Variants in PLCXD2 observed in about 807,000 individuals in gnomAD.
PLCXD2 encodes the protein PI-PLC X domain-containing protein 2.
In PLCXD2, 21 loss-of-function variants were observed where a neutral mutation model predicts 28.6. The observed-to-expected ratio is 0.73, with a 90% CI of 0.52 to 1.06. The LOEUF is 1.06. PLCXD2 is among the 50% of genes least tolerant of loss of function. PLCXD2 has a pLI of 0.00. For synonymous variants in PLCXD2, 140 were observed against 150.1 expected, an observed-to-expected ratio of 0.93 and a Z score of 0.49; for missense variants, 369 against 376.7, an observed-to-expected ratio of 0.98 and a Z score of 0.17.
At position 111,699,151 on chromosome 3, in the gene PLCXD2, G is replaced by C. The variant is rs115653263; in HGVS notation, c.164-8775G>C. On this transcript the variant is annotated intron_variant, in intron 1 of 4. Coordinates refer to ENST00000477665, the MANE Select transcript of PLCXD2 (RefSeq NM_001185106.1). ...TGAAGTCAGGAGTTCTTTGACTTAG[G>C]GTCACCATCCTCACCTACCCAGATG... Among the ~76,000 whole-genome samples, 265 of 152,126 alleles carry C rather than the reference G, an allele frequency of 1.7e-3. 1 individual carries two copies. Among genetic ancestry groups the C allele is most frequent in the African/African-American group, 6.1e-3 (254 of 41,506 alleles).
At chr3:111,682,029 A>G (rs564365158) in intron 1 of PLCXD2, among the ~76,000 whole-genome samples, 2 of 152,336 alleles carry the variant, frequency 1.3e-5, no homozygotes, top group East Asian at 3.9e-4. Flanking sequence ...TAGACATTGT[A>G]ATAGGTGGGT....
At position 111,692,284 on chromosome 3, in the gene PLCXD2, C is replaced by A. The variant is rs569103413; in HGVS notation, c.164-15642C>A. ...GGTCTCGATCTCCTGACCTTGTGAT[C>A]CGCCCGCCTCGGCCTCCCAAAGTGC... is the stretch of plus-strand genomic sequence containing the variant. On this transcript the variant is annotated intron_variant, in intron 1 of 4. Transcript: ENST00000477665. Among the ~76,000 whole-genome samples the A allele has an allele frequency of 2.4e-4, 36 of 152,332 alleles. No homozygotes were observed. In the South Asian group the frequency reaches 3.3e-3, roughly 14 times the overall value.
At chr3:111,687,805 C>T (rs941030823) in intron 1 of PLCXD2, among the ~76,000 whole-genome samples, 4 of 151,960 alleles carry the variant, frequency 2.6e-5, no homozygotes, top group African/African-American at 9.7e-5. Context: ...CCATCTCAGC[C>T]TCCTGAGTAG....
chr3:111,691,397 C>T (rs1940874550), intron 1 of PLCXD2: 1 of 152,188 alleles, frequency 6.6e-6, no homozygotes, highest in African/African-American at 2.4e-5. Flanking sequence ...AGTTTGGAAG[C>T]CCAGGTTCAC....
chr3:111,700,046 G>A (rs1941019119), intron 1 of PLCXD2, among the ~76,000 whole-genome samples: 1 of 152,188 alleles, frequency 6.6e-6, no homozygotes, highest in African/African-American at 2.4e-5. Flanking sequence ...TAAGTATCAA[G>A]CCTGGGTATA....
chr3:111,698,417 A>G (rs939505855), intron 1 of PLCXD2, among the ~76,000 whole-genome samples: 1 of 152,242 alleles, frequency 6.6e-6, no homozygotes, highest in Non-Finnish European at 1.5e-5. Context: ...CATTTAGCTT[A>G]TTCAGAGCTA....
At chr3:111,682,352 T>C (rs924228751) in intron 1 of PLCXD2, among the ~76,000 whole-genome samples, 4 of 152,172 alleles carry the variant, frequency 2.6e-5, no homozygotes, top group African/African-American at 9.7e-5. Context: ...CAGGCAGTCT[T>C]TTGTGGATTC....
intron 1 of PLCXD2, among the ~76,000 whole-genome samples, chr3:111,681,526 A>G (rs909381231): frequency 2.0e-5 from 3 of 152,122 alleles, no homozygotes; most frequent in African/African-American, 7.2e-5. Flanking sequence ...TTGGAATAAT[A>G]GCTTCATCAT....
intron 1 of PLCXD2, among the ~76,000 whole-genome samples, chr3:111,683,011 C>T (rs1003306033): frequency 1.6e-4 from 24 of 152,136 alleles, no homozygotes; most frequent in Admixed American, 1.0e-3. Flanking sequence ...TGTGTTAAAT[C>T]GGGTGATCAC....
chr3:111,705,243 T>C (rs1941100703), intron 1 of PLCXD2, among the ~76,000 whole-genome samples: 1 of 152,234 alleles, frequency 6.6e-6, no homozygotes, highest in Non-Finnish European at 1.5e-5. Flanking sequence ...AGTTCCCACA[T>C]ATGAGTGACA....
intron 3 of PLCXD2, among the ~76,000 whole-genome samples, chr3:111,714,884 G>T (rs750782103): frequency 2.6e-5 from 4 of 152,180 alleles, no homozygotes; most frequent in African/African-American, 4.8e-5. Flanking sequence ...GGATAACAGG[G>T]AATCCCTTGC....
At chr3:111,718,980 G>A (rs1339197181) in intron 3 of PLCXD2, among the ~76,000 whole-genome samples, 1 of 152,192 alleles carries the variant, frequency 6.6e-6, no homozygotes, top group Non-Finnish European at 1.5e-5. Context: ...AAGACCGTTA[G>A]TGAGACAACT....
chr3:111,720,882 A>C (rs569392826), intron 3 of PLCXD2: 63 of 416,666 alleles, frequency 1.5e-4, no homozygotes, highest in Non-Finnish European at 2.5e-4. Context: ...CTAAATGCTG[A>C]TTTAATTTTT....
At chr3:111,680,342 A>G (rs1940693991) in intron 1 of PLCXD2, among the ~76,000 whole-genome samples, 1 of 152,166 alleles carries the variant, frequency 6.6e-6, no homozygotes, top group Admixed American at 6.5e-5. Flanking sequence ...GGTTGGCTCT[A>G]CTTTGAGGAT....
At chr3:111,721,464 G>C (rs536416871) in intron 3 of PLCXD2, 7 of 152,312 alleles carry the variant, frequency 4.6e-5, no homozygotes, top group African/African-American at 1.7e-4. Context: ...AACACAAGCT[G>C]TTCTTTCATA....
chr3:111,726,061 T>TGACA (rs869186032), intron 3 of PLCXD2: 3 of 257,272 alleles, frequency 1.2e-5, no homozygotes, highest in African/African-American at 1.0e-4. Context: ...AGAACTATAC[T>TGACA]GGAGCCCAGA....
intron 3 of PLCXD2, chr3:111,726,177 G>C (rs751919902): frequency 1.8e-4 from 55 of 297,314 alleles, no homozygotes; most frequent in Non-Finnish European, 3.0e-4. Context: ...TGGTAGCTCT[G>C]TACATTTGCA....
chr3:111,691,408 A>C (rs980715038), intron 1 of PLCXD2: 6 of 152,256 alleles, frequency 3.9e-5, no homozygotes, highest in Non-Finnish European at 7.3e-5. Flanking sequence ...CCAGGTTCAC[A>C]GAAGTAATCA....
intron 1 of PLCXD2, among the ~76,000 whole-genome samples, chr3:111,703,516 A>G (rs973894494): frequency 5.9e-5 from 9 of 152,306 alleles, no homozygotes; most frequent in African/African-American, 2.2e-4. Context: ...ACCAGAGGGG[A>G]TTCATCTCTC....
Sources: gnomAD v4.1 joint callset for allele counts (sites outside exome capture counted in the v4.1 genomes callset) on GRCh38, gnomAD v4.1.1 for gene constraint, MANE v1.5 for transcripts, NCBI Gene and HGNC (gene_info 2026-07-23, HGNC 2026-07-21) for gene names.